FAT3: variants seen among roughly 807,000 people sequenced by gnomAD.
FAT3 encodes FAT atypical cadherin 3.
In FAT3, 95 loss-of-function variants were observed where a neutral mutation model predicts 310.2. The ratio of observed to expected loss-of-function variants is 0.31; its 90% confidence interval spans 0.26 to 0.36. The LOEUF is 0.36. Ranked by LOEUF, FAT3 falls within the 10% of genes least tolerant of loss-of-function variation. The probability of loss-of-function intolerance (pLI) is 1.00; values close to 1 mark genes in which losing one functional copy is unlikely to be tolerated. For synonymous variants in FAT3, 2,314 were observed against 2,192.9 expected (o/e 1.06, Z -1.54); for missense variants, 5,408 against 5,715.6 (o/e 0.95, Z 1.74).
chr11:92,796,733 T>A (rs1947184304), intron 9 of FAT3, among the ~76,000 whole-genome samples: 1 of 152,214 alleles, frequency 6.6e-6, no homozygotes, highest in Non-Finnish European at 1.5e-5. Flanking sequence ...GGGATGCAAC[T>A]TCACACTACC....
intron 13 of FAT3, among the ~76,000 whole-genome samples, chr11:92,819,553 C>T (rs994535603): frequency 6.6e-6 from 1 of 152,210 alleles, no homozygotes; most frequent in Admixed American, 6.5e-5. Context: ...AACGCCTTAA[C>T]AGTTTGGTAA....
intron 3 of FAT3, among the ~76,000 whole-genome samples, chr11:92,611,600 G>A (rs1040643406): frequency 6.6e-6 from 1 of 152,094 alleles, no homozygotes; most frequent in East Asian, 1.9e-4. Flanking sequence ...TGCCATGTTA[G>A]CCAGGCTGGT....
intron 12 of FAT3, among the ~76,000 whole-genome samples, chr11:92,808,481 A>C (rs1947569857): frequency 6.6e-6 from 1 of 152,192 alleles, no homozygotes; most frequent in South Asian, 2.1e-4. Flanking sequence ...AAGTGGAGGG[A>C]AAACTACTTT....
At chr11:92,355,545 T>A (rs1948708668) in intron 2 of FAT3, 141 bp downstream of exon 2, 1 of 765,348 alleles carries the variant, frequency 1.3e-6, no homozygotes, top group South Asian at 2.2e-5. Flanking sequence ...ACATAGATGC[T>A]TTTTCTTAGG....
chr11:92,571,130 G>T (rs994340792), intron 3 of FAT3, among the ~76,000 whole-genome samples: 7 of 152,126 alleles, frequency 4.6e-5, no homozygotes, highest in Admixed American at 6.6e-5. Context: ...CTAGAAATAT[G>T]ATCATTTTAG....
At chr11:92,568,359 T>C (rs1167939064) in intron 3 of FAT3, among the ~76,000 whole-genome samples, 1 of 150,858 alleles carries the variant, frequency 6.6e-6, no homozygotes, top group African/African-American at 2.4e-5. Flanking sequence ...GGTGCAATAT[T>C]TGTAGTATCC....
chr11:92,546,751 A>G (rs1426609927), intron 3 of FAT3, among the ~76,000 whole-genome samples: 1 of 152,194 alleles, frequency 6.6e-6, no homozygotes, highest in African/African-American at 2.4e-5. Flanking sequence ...GGGGGCTACC[A>G]GTGAGAACAA....
chr11:92,450,769 C>T (rs771777785), intron 2 of FAT3, among the ~76,000 whole-genome samples: 1 of 152,154 alleles, frequency 6.6e-6, no homozygotes, highest in Admixed American at 6.5e-5. Flanking sequence ...TAAACTGATA[C>T]TATGGAACAG....
intron 2 of FAT3, among the ~76,000 whole-genome samples, chr11:92,491,814 C>A (rs564222356): frequency 6.6e-6 from 1 of 152,024 alleles, no homozygotes; most frequent in Non-Finnish European, 1.5e-5. Flanking sequence ...TACTCTTGAT[C>A]GATGATACAG....
rs1948652196 is a variant in FAT3 at position 92,354,028 on chromosome 11, T to C, written c.1916T>C (p.Leu639Pro). The change falls in exon 2 of 28, where the codon CTG becomes CCG. Residue 639 changes from leucine (L) to proline (P), a missense_variant. Physicochemically the swap from Leu to Pro is moderately conservative, Grantham distance 98. Around this residue, in one of 5 missense-constraint regions of FAT3, gnomAD observed 4,588 missense variants for 4,809.8 expected, o/e 0.95. Transcript: ENST00000525166. ...DSGVLQLKKSLTNSGIKNGNF... is the reference protein window; with the variant it reads ...DSGVLQLKKSPTNSGIKNGNF... ...GGTGTTTTACAGCTTAAAAAATCAC[T>C]GACAAATTCTGGCATTAAAAATGGC... 1 of 1,613,312 alleles carries C rather than the reference T, an allele frequency of 6.2e-7. No individual in the cohort carries two copies. The highest frequency in any genetic ancestry group is 8.5e-7 in the Non-Finnish European group (1 of 1,179,618).
At chr11:92,347,685 A>G (rs749576416) in intron 1 of FAT3, among the ~76,000 whole-genome samples, 1 of 152,118 alleles carries the variant, frequency 6.6e-6, no homozygotes, top group Non-Finnish European at 1.5e-5. Context: ...ATCCATCCTA[A>G]CAGAGCAGAA....
chr11:92,245,993 G>A (rs769022742), intron 1 of FAT3, among the ~76,000 whole-genome samples: 3 of 152,100 alleles, frequency 2.0e-5, no homozygotes, highest in Non-Finnish European at 4.4e-5. Flanking sequence ...CTCATCTCCT[G>A]TCAGCAGGGT....
intron 3 of FAT3, among the ~76,000 whole-genome samples, chr11:92,529,282 G>C (rs1235517940): frequency 6.6e-6 from 1 of 152,100 alleles, no homozygotes; most frequent in South Asian, 2.1e-4. Context: ...TGAGTAACAG[G>C]GGATCTTTGC....
intron 3 of FAT3, among the ~76,000 whole-genome samples, chr11:92,586,586 A>G (rs1591488058): frequency 6.6e-6 from 1 of 152,148 alleles, no homozygotes; most frequent in East Asian, 1.9e-4. Flanking sequence ...GAAGAAACAA[A>G]TAATAATCAT....
intron 2 of FAT3, among the ~76,000 whole-genome samples, chr11:92,394,211 G>A (rs1178366838): frequency 6.6e-6 from 1 of 152,220 alleles, no homozygotes; most frequent in Non-Finnish European, 1.5e-5. Flanking sequence ...GCTCACACCT[G>A]TAATCTCAGT....
chr11:92,515,066 A>G (rs563396339), intron 2 of FAT3, among the ~76,000 whole-genome samples: 1 of 152,178 alleles, frequency 6.6e-6, no homozygotes, highest in East Asian at 1.9e-4. Context: ...GAGGGAGGCT[A>G]ATGAATCGCT....
Position 92,882,897 on chromosome 11 carries a change from C to T in FAT3, c.12441C>T (p.His4147=), listed in dbSNP as rs2136410342. The T allele has an allele frequency of 6.2e-7, 1 of 1,612,718 alleles. No homozygotes were observed. The highest frequency in any genetic ancestry group is 8.5e-7 in the Non-Finnish European group (1 of 1,179,476). ...TGGTACCCAATATCCAGGCTGGCCA[C>T]TCCTACGTGGGGAAGGAGGAGCTCA... ...PVVVPNIQAG[H]SYVGKEELIG... Residue 4147 remains histidine, a synonymous_variant, in exon 24 of 28, where the codon CAC becomes CAT. Coordinates refer to ENST00000525166, the MANE Select transcript of FAT3 (RefSeq NM_001367949.2).
At chr11:92,561,404 A>G (rs1172310135) in intron 3 of FAT3, among the ~76,000 whole-genome samples, 1 of 152,096 alleles carries the variant, frequency 6.6e-6, no homozygotes, top group Non-Finnish European at 1.5e-5. Context: ...TTATTTGTTT[A>G]ATATTCATAA....
chr11:92,761,496 G>T (rs1471178787), intron 4 of FAT3, among the ~76,000 whole-genome samples: 1 of 152,182 alleles, frequency 6.6e-6, no homozygotes, highest in Non-Finnish European at 1.5e-5. Context: ...TGTGGTGTGG[G>T]CTCTCTTCCT....
Sources: allele counts gnomAD v4.1 joint callset (sites outside exome capture counted in the v4.1 genomes callset), GRCh38; gene constraint gnomAD v4.1.1; regional missense constraint gnomAD v4.1.1; transcripts MANE v1.5; gene names NCBI Gene and HGNC (gene_info 2026-07-23, HGNC 2026-07-21).